The following MCM6 variants were observed in gnomAD, a reference collection of about 807,000 sequenced individuals.
MCM6 encodes the protein minichromosome maintenance complex component 6.
MCM6 carries 46 observed loss-of-function variants against 94.3 expected under a neutral mutation model. The observed-to-expected ratio is 0.49, with a 90% confidence interval of 0.39 to 0.62. The LOEUF is 0.62. Among genes scored for constraint, MCM6 ranks in the 20% least tolerant of loss-of-function variants. The pLI is 0.00. For synonymous variants in MCM6, 335 were observed against 351.9 expected (o/e 0.95, Z 0.54); for missense variants, 865 against 1,017.9 (o/e 0.85, Z 2.04).
At position 135,844,723 on chromosome 2, in the gene MCM6, C is replaced by T. The variant is rs138730070; in HGVS notation, c.2210-39G>A. 3,947 of 1,495,956 alleles carry T rather than the reference C, an allele frequency of 2.6e-3. 31 individuals are homozygous for T. The highest frequency in any genetic ancestry group is 0.016 in the South Asian group (1,104 of 68,526). The allele number at this position is 1,495,956 out of a possible 1,614,324, so 92.7% of individuals were successfully genotyped here. On this transcript the variant is annotated intron_variant, in intron 15 of 16. Coordinates refer to ENST00000264156, the MANE Select transcript of MCM6 (RefSeq NM_005915.6). ...ACACATTCAAATTATCCTAGCAACT[C>T]GTACTGTCAGTCCTTGGGTAAATCT...
At chr2:135,867,640 T>C (rs1410285486) in intron 4 of MCM6, among the ~76,000 whole-genome samples, 1 of 152,190 alleles carries the variant, frequency 6.6e-6, no homozygotes, top group African/African-American at 2.4e-5. Flanking sequence ...CCTTCATTCT[T>C]ACTACTGCCA....
chr2:135,851,269 T>G, intron 13 of MCM6, 133 bp downstream of exon 13: 1 of 655,408 alleles, frequency 1.5e-6, no homozygotes, highest in Non-Finnish European at 2.5e-6. Flanking sequence ...AAGAATTCCA[T>G]GGTCGTATGA....
rs1679670575 is a variant in MCM6 at position 135,846,375 on chromosome 2, C to T, written c.2071G>A (p.Ala691Thr). ...GGINGHADSP[A>T]PVNGINGYNE... ...TAGCCATTGATCCCGTTCACAGGAGCAGGGCTGTCAGCATGACCTAAGTGA... is the reference window on the plus strand; with the variant it reads ...TAGCCATTGATCCCGTTCACAGGAGTAGGGCTGTCAGCATGACCTAAGTGA... Residue 691 changes from alanine (A) to threonine (T), a missense_variant, in exon 15 of 17, where the codon GCT becomes ACT. By Grantham distance (58) the Ala-to-Thr change is moderately conservative. This residue lies in a region of MCM6 where 308 missense variants were observed against 324.5 expected (regional missense o/e 0.95). Coordinates refer to ENST00000264156, the MANE Select transcript of MCM6 (RefSeq NM_005915.6). 1 of 1,613,986 alleles carries T rather than the reference C, an allele frequency of 6.2e-7. No individual in the cohort carries two copies. The highest frequency in any genetic ancestry group is 1.3e-5 in the African/African-American group (1 of 74,922).
At chr2:135,856,386 T>C (rs1384599760) in intron 11 of MCM6, among the ~76,000 whole-genome samples, 2 of 152,158 alleles carry the variant, frequency 1.3e-5, no homozygotes, top group African/African-American at 2.4e-5. Context: ...GAGGTTGCAG[T>C]AGGCCAAGAC....
At position 135,859,409 on chromosome 2, in the gene MCM6, G is replaced by A. The variant is rs1307335631; in HGVS notation, c.1254C>T (p.Tyr418=). The A allele has an allele frequency of 4.3e-6, 7 of 1,613,100 alleles. No homozygotes were observed. The highest frequency in any genetic ancestry group is 5.9e-6 in the Non-Finnish European group (7 of 1,179,294). ...CAGCACTGGACGCTTTACCACTGGT[G>A]TAGACAGCTCTGGGGCTGAACTCCT... ...HVEEFSPRAV[Y]TSGKASSAAG... is the part of the protein sequence containing the mutation. Residue 418 remains tyrosine, a synonymous_variant, in exon 9 of 17, where the codon TAC becomes TAT. Coordinates refer to ENST00000264156, the MANE Select transcript of MCM6 (RefSeq NM_005915.6).
At chr2:135,871,431 C>T (rs753671047) in intron 2 of MCM6, among the ~76,000 whole-genome samples, 2 of 152,218 alleles carry the variant, frequency 1.3e-5, no homozygotes, top group Non-Finnish European at 2.9e-5. Context: ...ACCAGAAACA[C>T]AGACAAATCC....
rs1262210598 is a variant in MCM6, at chr2:135,870,270, C to T, written c.346G>A (p.Asp116Asn). 2.5e-6 allele frequency: 4 copies of T among 1,613,326 alleles called. No homozygotes were observed. The South Asian group carries it at 3.3e-5, about 13-fold the overall frequency. ...LAKDFYVAFQ[D>N]LPTRHKIREL... ...TCTTACTTGTGTCTGGTAGGCAGGT[C>T]TTGGAATGCAACATAAAAATCCTTG... The change falls in exon 3 of 17, where the codon GAC (aspartate) becomes AAC (asparagine). Residue 116 changes from aspartate (D) to asparagine (N), a missense_variant. Around this residue, in one of 3 missense-constraint regions of MCM6, gnomAD observed 404 missense variants for 451.9 expected, o/e 0.89. Coordinates refer to ENST00000264156, the MANE Select transcript of MCM6 (RefSeq NM_005915.6).
chr2:135,845,849 T>G (rs1679661065), intron 15 of MCM6, among the ~76,000 whole-genome samples: 1 of 152,242 alleles, frequency 6.6e-6, no homozygotes, highest in African/African-American at 2.4e-5. Flanking sequence ...TAGTATAGAT[T>G]TCTAGGCTCA....
At chr2:135,853,767 C>T (rs1257468406) in intron 11 of MCM6, among the ~76,000 whole-genome samples, 3 of 150,752 alleles carry the variant, frequency 2.0e-5, no homozygotes, top group African/African-American at 7.3e-5. Context: ...ATGCAACTTG[C>T]TCTCAAATGG....
chr2:135,863,984 T>A (rs1443041840), intron 7 of MCM6, among the ~76,000 whole-genome samples: 1 of 151,710 alleles, frequency 6.6e-6, no homozygotes, highest in East Asian at 1.9e-4. Context: ...TGTGGGGCAA[T>A]CCTGCAATCC....
At chr2:135,862,791 C>A (rs767684936) in intron 7 of MCM6, 43 bp from the exon 8 acceptor site, 2 of 1,604,930 alleles carry the variant, frequency 1.2e-6, no homozygotes, top group African/African-American at 1.3e-5. Context: ...AATTTTTCAA[C>A]ATGAAGTTAA....
At chr2:135,843,866 G>C (rs1307253835) in intron 16 of MCM6, among the ~76,000 whole-genome samples, 1 of 152,090 alleles carries the variant, frequency 6.6e-6, no homozygotes, top group Non-Finnish European at 1.5e-5. Flanking sequence ...GATCAACTGT[G>C]ACAAAGCTGT....
chr2:135,872,496 AC>A (rs902921515), intron 2 of MCM6, among the ~76,000 whole-genome samples, 200 bp downstream of exon 2: 17 of 151,926 alleles, frequency 1.1e-4, no homozygotes, highest in East Asian at 3.9e-4. Flanking sequence ...CAACAAAAAA[AC>A]GTTCGGCTCT....
In MCM6 at chr2:135,841,717, A is replaced by C. The variant is rs148526147; in HGVS notation, c.2350-766T>G. 6.0e-4 allele frequency among the ~76,000 whole-genome samples: 91 copies of C among 152,346 alleles called. No homozygotes were observed. In the East Asian group the frequency reaches 0.016, roughly 26 times the overall value. On this transcript the variant is annotated intron_variant, in intron 16 of 16. Coordinates refer to ENST00000264156, the MANE Select transcript of MCM6 (RefSeq NM_005915.6). ...TTTCAAGCACTCACTCTATGTGTTAACATACCTTCATAGGAAGCATCATAT... is the reference window on the plus strand; with the variant it reads ...TTTCAAGCACTCACTCTATGTGTTACCATACCTTCATAGGAAGCATCATAT...
chr2:135,853,690 C>G (rs1679817005), intron 11 of MCM6, among the ~76,000 whole-genome samples: 1 of 150,930 alleles, frequency 6.6e-6, no homozygotes, highest in Non-Finnish European at 1.5e-5. Flanking sequence ...AGAGACTGTG[C>G]TCTTAGCCAC....
chr2:135,843,288 A>T (rs1006195129), intron 16 of MCM6, among the ~76,000 whole-genome samples: 12 of 152,226 alleles, frequency 7.9e-5, no homozygotes, highest in African/African-American at 2.9e-4. Context: ...AACGCTCATC[A>T]GTAGGCAACC....
chr2:135,871,225 A>T (rs994547750), intron 2 of MCM6, among the ~76,000 whole-genome samples: 3 of 152,156 alleles, frequency 2.0e-5, no homozygotes, highest in Non-Finnish European at 4.4e-5. Flanking sequence ...GAAACCCTCT[A>T]AAAAAGGCGC....
At chr2:135,849,659 A>G (rs891990977) in intron 13 of MCM6, among the ~76,000 whole-genome samples, 2 of 152,228 alleles carry the variant, frequency 1.3e-5, no homozygotes, top group Non-Finnish European at 2.9e-5. Flanking sequence ...CCAATGTAAG[A>G]GGAGCTGATA....
Position 135,856,891 on chromosome 2 carries a change from C to T in MCM6, c.1471-8G>A. The T allele has an allele frequency of 6.2e-7, 1 of 1,604,740 alleles. No homozygotes were observed. Among genetic ancestry groups the T allele is most frequent in the Non-Finnish European group, 8.5e-7 (1 of 1,176,604 alleles). ...CCGGGCGTTCAGAGTAGCCTGACCA[C>T]AAAAGAAAGAATCTTAACAGATTTA... is the stretch of plus-strand genomic sequence containing the variant. On this transcript the variant is annotated splice_region_variant and splice_polypyrimidine_tract_variant and intron_variant, in intron 10 of 16. Transcript: ENST00000264156.
Sources: gnomAD v4.1 joint callset for allele counts (sites outside exome capture counted in the v4.1 genomes callset) on GRCh38, gnomAD v4.1.1 for gene constraint, gnomAD v4.1.1 regional missense constraint, MANE v1.5 for transcripts, NCBI Gene and HGNC (gene_info 2026-07-23, HGNC 2026-07-21) for gene names.